Variants in MACC1 observed in about 807,000 individuals in gnomAD.
MACC1 encodes the protein MET transcriptional regulator MACC1.
In MACC1, 79 loss-of-function variants were observed where a neutral mutation model predicts 70.7. The observed-to-expected ratio is 1.12, with a 90% CI of 0.93 to 1.35. MACC1 has a LOEUF of 1.35. Ranked by LOEUF, MACC1 falls within the 40% of genes most tolerant of loss-of-function variation. MACC1 has a pLI of 0.00. For missense variants in MACC1, 1,106 were observed against 978.1 expected (o/e 1.13, Z -1.74); for synonymous variants, 361 against 347.2 (o/e 1.04, Z -0.44).
At chr7:20,171,106 A>G (rs898051342) in intron 1 of MACC1, among the ~76,000 whole-genome samples, 1 of 152,218 alleles carries the variant, frequency 6.6e-6, no homozygotes, top group Non-Finnish European at 1.5e-5. Context: ...ACATGTGTGC[A>G]TATATCTATT....
At chr7:20,161,030 C>T (rs1782132113) in intron 4 of MACC1, among the ~76,000 whole-genome samples, 1 of 152,020 alleles carries the variant, frequency 6.6e-6, no homozygotes, top group South Asian at 2.1e-4. Context: ...GAATTTGTAA[C>T]ATTAAAATAT....
chr7:20,136,804 GA>G lies in MACC1; in HGVS notation c.*4141del, dbSNP rs1460369771. 2.7e-5 allele frequency: 4 copies of G among 150,652 alleles called. No individual in the cohort carries two copies. Among genetic ancestry groups the G allele is most frequent in the African/African-American group, 9.7e-5 (4 of 41,208 alleles). 9.3% of individuals were successfully genotyped at this position (150,652 alleles called of 1,614,324 possible). On this transcript the variant is annotated 3_prime_UTR_variant, in exon 7 of 7. Transcript: ENST00000400331. The stretch of plus-strand genomic sequence containing the variant: ...CCTTGCGATTATTATTGCGATTAAG[GA>G]TTATTATTAATTCTTAAAGATTAAG...
At chr7:20,196,071 T>C (rs1045702585) in intron 1 of MACC1, among the ~76,000 whole-genome samples, 1 of 152,194 alleles carries the variant, frequency 6.6e-6, no homozygotes, top group South Asian at 2.1e-4. Flanking sequence ...AAGACTTCTC[T>C]GGGGTCCCTT....
At chr7:20,180,438 T>C (rs1583400191) in intron 1 of MACC1, among the ~76,000 whole-genome samples, 1 of 145,490 alleles carries the variant, frequency 6.9e-6, no homozygotes, top group Non-Finnish European at 1.5e-5. Context: ...CAAGACTCCA[T>C]CTAAAAAAAA....
At chr7:20,153,781 G>A (rs1013614450) in intron 6 of MACC1, among the ~76,000 whole-genome samples, 3 of 151,992 alleles carry the variant, frequency 2.0e-5, no homozygotes, top group Non-Finnish European at 2.9e-5. Flanking sequence ...ATTAGTTATC[G>A]CAAGTGACTA....
At chr7:20,148,504 A>G (rs557129778) in intron 6 of MACC1, among the ~76,000 whole-genome samples, 1 of 152,288 alleles carries the variant, frequency 6.6e-6, no homozygotes, top group South Asian at 2.1e-4. Context: ...AAGAAAACCT[A>G]AAGTCAAAAT....
rs1328297648 is a variant in MACC1, at chr7:20,137,840, G to GTT, written c.*3104_*3105dup. The GTT allele has an allele frequency of 2.0e-5, 3 of 152,124 alleles. No individual in the cohort carries two copies. The highest frequency in any genetic ancestry group is 4.4e-5 in the Non-Finnish European group (3 of 68,018). The allele number at this position is 152,124 out of a possible 1,614,324, so 9.4% of individuals were successfully genotyped here. A position where few individuals can be genotyped will look rare whatever the true frequency, so the allele number is the denominator to read the frequency against. The stretch of plus-strand genomic sequence containing the variant: ...TAGAATATATTTATACAAACAGAAT[G>GTT]TTTGGACATGGGCTTAAAATTCCTC... On this transcript the variant is annotated 3_prime_UTR_variant, in exon 7 of 7. Coordinates refer to ENST00000400331, the MANE Select transcript of MACC1 (RefSeq NM_182762.4).
intron 1 of MACC1, among the ~76,000 whole-genome samples, chr7:20,179,464 G>A (rs1782465635): frequency 6.6e-6 from 1 of 152,152 alleles, no homozygotes; most frequent in African/African-American, 2.4e-5. Flanking sequence ...TCTTCTCTCT[G>A]TCCAGTGGAT....
intron 5 of MACC1, among the ~76,000 whole-genome samples, chr7:20,156,632 C>T (rs553930348): frequency 1.1e-4 from 16 of 152,254 alleles, no homozygotes; most frequent in Admixed American, 1.0e-3. Flanking sequence ...TTCTGAATGT[C>T]CCAGGGTAGG....
chr7:20,153,752 C>A lies in MACC1; in HGVS notation c.2346+441G>T, dbSNP rs12668800. Among the ~76,000 whole-genome samples the A allele has an allele frequency of 7.9e-3, 1,198 of 152,296 alleles. 27 individuals carry two copies. Among genetic ancestry groups the A allele is most frequent in the Admixed American group, 0.038 (578 of 15,282 alleles). ...CAGTGGCTCTACATCCACTTTCTTACTACTTCTTGTCCCTGAGCATTAGTT... is the reference window on the plus strand; with the variant it reads ...CAGTGGCTCTACATCCACTTTCTTAATACTTCTTGTCCCTGAGCATTAGTT... On this transcript the variant is annotated intron_variant, in intron 6 of 6. Coordinates refer to ENST00000400331, the MANE Select transcript of MACC1 (RefSeq NM_182762.4).
chr7:20,190,359 A>G (rs1782654387), intron 1 of MACC1, among the ~76,000 whole-genome samples: 1 of 152,196 alleles, frequency 6.6e-6, no homozygotes. Flanking sequence ...TTTTCAAGAC[A>G]TTTGATCCTA....
chr7:20,214,457 G>A (rs2128109892), intron 1 of MACC1, among the ~76,000 whole-genome samples: 1 of 152,120 alleles, frequency 6.6e-6, no homozygotes, highest in African/African-American at 2.4e-5. Context: ...ATTGCCACCT[G>A]AACTACTTTT....
intron 1 of MACC1, among the ~76,000 whole-genome samples, chr7:20,214,593 A>T (rs149152391): frequency 8.5e-5 from 13 of 152,344 alleles, no homozygotes; most frequent in African/African-American, 3.1e-4. Flanking sequence ...ATAACTATAT[A>T]TAAATGTTAT....
At chr7:20,180,987 G>T (rs1782495296) in intron 1 of MACC1, among the ~76,000 whole-genome samples, 1 of 152,076 alleles carries the variant, frequency 6.6e-6, no homozygotes. Flanking sequence ...CAGATTCTAA[G>T]AACAATAAAT....
chr7:20,196,370 CG>C (rs1283783520), intron 1 of MACC1, among the ~76,000 whole-genome samples: 1 of 151,874 alleles, frequency 6.6e-6, no homozygotes, highest in African/African-American at 2.4e-5. Flanking sequence ...TTAGTAGAGA[CG>C]GGGTTTCACC....
chr7:20,186,018 C>T (rs1782582949), intron 1 of MACC1, among the ~76,000 whole-genome samples: 1 of 147,914 alleles, frequency 6.8e-6, no homozygotes, highest in African/African-American at 2.5e-5. Flanking sequence ...GGCGAATGTC[C>T]TTGGACCCTA....
intron 6 of MACC1, 85 bp from the exon 7 acceptor site, chr7:20,141,243 CTTAAGAT>C: frequency 1.1e-6 from 1 of 893,740 alleles, no homozygotes. Flanking sequence ...TAAAAAGCCT[CTTAAGAT>C]TTAAGATAAA....
At chr7:20,189,417 T>G (rs188896126) in intron 1 of MACC1, among the ~76,000 whole-genome samples, 10 of 152,190 alleles carry the variant, frequency 6.6e-5, no homozygotes, top group African/African-American at 2.4e-4. Context: ...TAAATAATTG[T>G]GGAATGACTG....
At chr7:20,180,886 C>T (rs1266735238) in intron 1 of MACC1, among the ~76,000 whole-genome samples, 1 of 151,924 alleles carries the variant, frequency 6.6e-6, no homozygotes, top group Non-Finnish European at 1.5e-5. Context: ...AAGTATGATT[C>T]ATTAAGAAGG....
Sources: gnomAD v4.1 joint callset for allele counts (sites outside exome capture counted in the v4.1 genomes callset) on GRCh38, gnomAD v4.1.1 for gene constraint, MANE v1.5 for transcripts, NCBI Gene and HGNC (gene_info 2026-07-23, HGNC 2026-07-21) for gene names.